PIK3R5: variants seen among roughly 807,000 people sequenced by gnomAD.
PIK3R5 encodes the protein phosphoinositide 3-kinase regulatory subunit 5.
In PIK3R5, 32 loss-of-function variants were observed where a neutral mutation model predicts 94.9. The observed-to-expected ratio is 0.34, with a 90% confidence interval of 0.25 to 0.45. The LOEUF is 0.45. PIK3R5 is among the 20% of genes least tolerant of loss of function. The probability of loss-of-function intolerance (pLI) is 1.00; values close to 1 mark genes in which losing one functional copy is unlikely to be tolerated. For missense variants in PIK3R5, 853 were observed against 1,144.6 expected, an observed-to-expected ratio of 0.75 and a Z score of 3.68; for synonymous variants, 443 against 479.4, an observed-to-expected ratio of 0.92 and a Z score of 0.99.
intron 1 of PIK3R5, among the ~76,000 whole-genome samples, chr17:8,964,730 G>T (rs1392608670): frequency 6.6e-6 from 1 of 152,232 alleles, no homozygotes; most frequent in African/African-American, 2.4e-5. Context: ...AGGAAGGAAA[G>T]TGTGGGGTGG....
At chr17:8,948,383 C>T (rs1281423526) in intron 1 of PIK3R5, among the ~76,000 whole-genome samples, 1 of 152,144 alleles carries the variant, frequency 6.6e-6, no homozygotes, top group Non-Finnish European at 1.5e-5. Flanking sequence ...CTTCACTAGG[C>T]ACTGGGGGTC....
At chr17:8,887,730 C>T (rs1299470865) in intron 10 of PIK3R5, 47 bp from the exon 11 acceptor site, 32 of 1,531,696 alleles carry the variant, frequency 2.1e-5, no homozygotes, top group East Asian at 4.9e-5. Flanking sequence ...TGGTGGCTCA[C>T]GCCTGTAATC....
intron 1 of PIK3R5, among the ~76,000 whole-genome samples, chr17:8,917,994 T>C (rs1241452987): frequency 6.6e-6 from 1 of 152,206 alleles, no homozygotes; most frequent in Non-Finnish European, 1.5e-5. Flanking sequence ...GGGGGAAGGC[T>C]GGAATGAACC....
At chr17:8,916,567 A>G (rs1285039582) in intron 1 of PIK3R5, 1 of 142,604 alleles carries the variant, frequency 7.0e-6, no homozygotes, top group African/African-American at 2.6e-5. Flanking sequence ...CCCATCTCCA[A>G]GTTCCTCTTC....
At chr17:8,906,096 G>A (rs2090391230) in intron 3 of PIK3R5, among the ~76,000 whole-genome samples, 1 of 152,086 alleles carries the variant, frequency 6.6e-6, no homozygotes, top group Admixed American at 6.5e-5. Context: ...CCATCAACCT[G>A]TCATCTAGGT....
intron 1 of PIK3R5, among the ~76,000 whole-genome samples, chr17:8,920,416 G>C (rs796887267): frequency 6.6e-5 from 10 of 152,276 alleles, no homozygotes; most frequent in African/African-American, 2.2e-4. Context: ...GAAAACAAAG[G>C]CTCTGAGTGG....
chr17:8,905,539 C>G (rs1751637279), intron 4 of PIK3R5, 130 bp downstream of exon 4: 1 of 595,484 alleles, frequency 1.7e-6, no homozygotes, highest in Non-Finnish European at 2.8e-6. Flanking sequence ...GGTTGAAACC[C>G]ATTTCACATG....
intron 1 of PIK3R5, among the ~76,000 whole-genome samples, chr17:8,917,340 T>C (rs1489996100): frequency 6.6e-6 from 1 of 152,066 alleles, no homozygotes; most frequent in Non-Finnish European, 1.5e-5. Flanking sequence ...AACCAGAATA[T>C]GGGGGCAGGG....
In PIK3R5 at chr17:8,909,383, G is replaced by A. The variant is rs891472488; in HGVS notation, c.104-209C>T. Among the ~76,000 whole-genome samples the A allele has an allele frequency of 1.3e-5, 2 of 151,872 alleles. No homozygotes were observed. Among genetic ancestry groups the A allele is most frequent in the African/African-American group, 4.8e-5 (2 of 41,346 alleles). Reference sequence around the variant, plus strand: ...CAGCTCACTGCAACCTCTGCCTCCCGGGTTCAAGCGATTCCCCTGCCTCAG... The same window carrying A: ...CAGCTCACTGCAACCTCTGCCTCCCAGGTTCAAGCGATTCCCCTGCCTCAG... On this transcript the variant is annotated intron_variant, in intron 2 of 18. Transcript: ENST00000447110. The surrounding 1 kb of genome is among the most constrained non-coding windows in gnomAD (Gnocchi z 4.3).
Position 8,909,025 on chromosome 17 carries a change from C to T in PIK3R5, c.204+49G>A. 8.4e-7 allele frequency: 1 copy of T among 1,187,138 alleles called. No homozygotes were observed. The highest frequency in any genetic ancestry group is 1.3e-5 in the South Asian group (1 of 77,584). 73.5% of individuals were successfully genotyped at this position (1,187,138 alleles called of 1,614,324 possible). A position where few individuals can be genotyped will look rare whatever the true frequency, so the allele number is the denominator to read the frequency against. ...GTTCTCTGGGACCTATTTCTCCACT[C>T]TACGAGGCCGACCCCAGATCTGCCC... On this transcript the variant is annotated intron_variant, in intron 3 of 18. Transcript: ENST00000447110. The surrounding 1 kb of genome is among the most constrained non-coding windows in gnomAD (Gnocchi z 4.3).
chr17:8,963,136 C>T lies in PIK3R5; in HGVS notation c.-14+2460G>A, dbSNP rs115859447. Among the ~76,000 whole-genome samples, 1,107 of 152,306 alleles carry T rather than the reference C, an allele frequency of 7.3e-3. 11 individuals are homozygous for T. The highest frequency in any genetic ancestry group is 0.025 in the African/African-American group (1,034 of 41,560). On this transcript the variant is annotated intron_variant, in intron 1 of 18. Coordinates refer to ENST00000447110, the MANE Select transcript of PIK3R5 (RefSeq NM_001142633.3). Reference sequence around the variant, plus strand: ...GGGATTATAGGCATGAACCACTATGCCTGGCCAGCTTTCTTTCTTAACACA... The same window carrying T: ...GGGATTATAGGCATGAACCACTATGTCTGGCCAGCTTTCTTTCTTAACACA...
In PIK3R5 at chr17:8,889,883, G is replaced by C; in HGVS notation, c.811+90C>G. 1 of 1,391,254 alleles carries C rather than the reference G, an allele frequency of 7.2e-7. No individual in the cohort carries two copies. The highest frequency in any genetic ancestry group is 1.7e-5 in the Admixed American group (1 of 57,384). 86.2% of individuals were successfully genotyped at this position (1,391,254 alleles called of 1,614,324 possible). On this transcript the variant is annotated intron_variant, in intron 8 of 18. Transcript: ENST00000447110. This position sits in a 1 kb window ranked among gnomAD's most constrained non-coding sequence, Gnocchi z 4.1. ...AGTCCCTGAGTGACTGTGTGGAGCAGAGCCACCAGGCCCGCCTGGACCGTG... is the reference window on the plus strand; with the variant it reads ...AGTCCCTGAGTGACTGTGTGGAGCACAGCCACCAGGCCCGCCTGGACCGTG...
chr17:8,964,451 T>G (rs560122528), intron 1 of PIK3R5, among the ~76,000 whole-genome samples: 96 of 152,274 alleles, frequency 6.3e-4, no homozygotes, highest in Admixed American at 2.5e-3. Flanking sequence ...GCCCATTTTA[T>G]GAATCAGGAG....
intron 1 of PIK3R5, among the ~76,000 whole-genome samples, chr17:8,961,058 A>G (rs1182617244): frequency 6.6e-6 from 1 of 152,126 alleles, no homozygotes; most frequent in Non-Finnish European, 1.5e-5. Flanking sequence ...CATAGAAAGC[A>G]CAATGAAGAA....
At chr17:8,920,695 A>T (rs2151427910) in intron 1 of PIK3R5, among the ~76,000 whole-genome samples, 1 of 152,284 alleles carries the variant, frequency 6.6e-6, no homozygotes, top group East Asian at 1.9e-4. Context: ...TTTAATCAAG[A>T]TTTTAAAGTT....
chr17:8,928,970 T>C (rs980634151), intron 1 of PIK3R5, among the ~76,000 whole-genome samples: 1 of 152,124 alleles, frequency 6.6e-6, no homozygotes, highest in African/African-American at 2.4e-5. Context: ...AATCATATTA[T>C]AAATGGAGGC....
intron 1 of PIK3R5, among the ~76,000 whole-genome samples, chr17:8,927,031 T>C (rs1326846995): frequency 6.6e-6 from 1 of 151,928 alleles, no homozygotes; most frequent in African/African-American, 2.4e-5. Flanking sequence ...TAAGAGACCC[T>C]GAAAGAGAGA....
chr17:8,916,950 T>C (rs933484138), intron 1 of PIK3R5: 20 of 152,290 alleles, frequency 1.3e-4, no homozygotes, highest in African/African-American at 4.8e-4. Context: ...TGTTCTGGAA[T>C]ATTCTAGGCC....
intron 1 of PIK3R5, among the ~76,000 whole-genome samples, chr17:8,930,381 T>G (rs776085687): frequency 1.3e-5 from 2 of 152,126 alleles, no homozygotes; most frequent in Non-Finnish European, 2.9e-5. Flanking sequence ...AATCCAAAAA[T>G]TCACTGAAGG....
Sources: allele counts gnomAD v4.1 joint callset (sites outside exome capture counted in the v4.1 genomes callset), GRCh38; gene constraint gnomAD v4.1.1; non-coding constraint Gnocchi (gnomAD v3.1); transcripts MANE v1.5; gene names NCBI Gene and HGNC (gene_info 2026-07-23, HGNC 2026-07-21).